The following LCE1E variants were observed in gnomAD, a reference collection of about 807,000 sequenced individuals.
LCE1E encodes late cornified envelope protein 1E.
For synonymous variants in LCE1E, 61 were observed against 55.0 expected (o/e 1.11, Z -0.48); for missense variants, 144 against 144.3 (o/e 1.00, Z 0.01).
rs769373168 is a variant in LCE1E at position 152,787,542 on chromosome 1, G to C, written c.243G>C (p.Arg81Ser). 3 of 1,611,290 alleles carry C rather than the reference G, an allele frequency of 1.9e-6. No homozygotes were observed. The Admixed American group carries it at 5.0e-5, about 27-fold the overall frequency. The change falls in exon 2 of 2, where the codon AGG (arginine) becomes AGC (serine). Residue 81 changes from arginine to serine, a missense_variant. By Grantham distance (110) the Arg-to-Ser change is moderately radical. Coordinates refer to ENST00000368770, the MANE Select transcript of LCE1E (RefSeq NM_178353.2). ...GTGGCTGCTGCCTGAGCCACCACAGGCACCACAGGTCCCACCGTCACAGAC... is the reference window on the plus strand; with the variant it reads ...GTGGCTGCTGCCTGAGCCACCACAGCCACCACAGGTCCCACCGTCACAGAC... The part of the protein sequence containing the change: ...GGGGCCLSHH[R>S]HHRSHRHRPQ...
At chr1:152,786,578 C>A (rs1409535586) in intron 1 of LCE1E, among the ~76,000 whole-genome samples, 2 of 152,136 alleles carry the variant, frequency 1.3e-5, no homozygotes, top group African/African-American at 4.8e-5. Flanking sequence ...CAACCTTGTC[C>A]CTGTCTGCAA....
Position 152,787,342 on chromosome 1 carries a change from A to G in LCE1E, c.43A>G (p.Lys15Glu), listed in dbSNP as rs780483465. Reference protein sequence around the residue: ...QSQQQCQPPPKCTPKCPPKCP... With the variant: ...QSQQQCQPPPECTPKCPPKCP... ...CCAGCAGCAGTGCCAGCCCCCTCCC[A>G]AGTGCACTCCCAAGTGCCCTCCCAA... Residue 15 changes from lysine (K) to glutamate (E), a missense_variant, in exon 2 of 2, where the codon AAG becomes GAG. Lys to Glu is a moderately conservative substitution (Grantham distance 56). Transcript: ENST00000368770. 4 of 1,613,414 alleles carry G rather than the reference A, an allele frequency of 2.5e-6. No individual in the cohort carries two copies. In the African/African-American group the frequency reaches 5.4e-5, roughly 22 times the overall value.
intron 1 of LCE1E, 105 bp from the exon 2 acceptor site, chr1:152,787,173 A>G (rs1651870784): frequency 9.3e-7 from 1 of 1,079,478 alleles, no homozygotes; most frequent in Non-Finnish European, 1.4e-6. Context: ...TTGGAAGTGA[A>G]ACTACTGGAC....
Position 152,787,896 on chromosome 1 carries a change from G to A in LCE1E, c.*240G>A. ...TGTATTCTGTGCTGCCTGAACTGAAGAAATAAAATCCAGAATCTGCCCCCC... is the reference window on the plus strand; with the variant it reads ...TGTATTCTGTGCTGCCTGAACTGAAAAAATAAAATCCAGAATCTGCCCCCC... On this transcript the variant is annotated 3_prime_UTR_variant, in exon 2 of 2. Coordinates refer to ENST00000368770, the MANE Select transcript of LCE1E (RefSeq NM_178353.2). 1.9e-6 allele frequency: 1 copy of A among 515,504 alleles called. No individual in the cohort carries two copies. Among genetic ancestry groups the A allele is most frequent in the Non-Finnish European group, 3.5e-6 (1 of 289,690 alleles). The allele number at this position is 515,504 out of a possible 1,614,324, so 31.9% of individuals were successfully genotyped here. A position where few individuals can be genotyped will look rare whatever the true frequency, so the allele number is the denominator to read the frequency against.
Position 152,787,361 on chromosome 1 carries a change from C to T in LCE1E, c.62C>T (p.Pro21Leu), listed in dbSNP as rs754313081. Reference protein sequence around the residue: ...QPPPKCTPKCPPKCPTPKCPP... With the variant: ...QPPPKCTPKCLPKCPTPKCPP... ...CCTCCCAAGTGCACTCCCAAGTGCC[C>T]TCCCAAGTGTCCCACCCCCAAATGC... Residue 21 changes from proline to leucine, a missense_variant, in exon 2 of 2, where the codon CCT (proline) becomes CTT (leucine). By Grantham distance (98) the Pro-to-Leu change is moderately conservative. Coordinates refer to ENST00000368770, the MANE Select transcript of LCE1E (RefSeq NM_178353.2). The T allele has an allele frequency of 3.1e-6, 5 of 1,614,146 alleles. No homozygotes were observed. In the South Asian group the frequency reaches 5.5e-5, roughly 18 times the overall value.
chr1:152,787,499 G>T lies in LCE1E; in HGVS notation c.200G>T (p.Cys67Phe). 6.2e-7 allele frequency: 1 copy of T among 1,613,826 alleles called. No individual in the cohort carries two copies. Among genetic ancestry groups the T allele is most frequent in the Non-Finnish European group, 8.5e-7 (1 of 1,179,910 alleles). ...AGCTGTGGCTCCAGCTCTGGGGGCT[G>T]CTGCAGCTCTGGGGGAGGTGGCTGC... ...GGSCGSSSGG[C>F]CSSGGGGCCL... is the part of the protein sequence containing the mutation. The change falls in exon 2 of 2, where the codon TGC (cysteine) becomes TTC (phenylalanine). Residue 67 changes from cysteine to phenylalanine, a missense_variant. By Grantham distance (205) the Cys-to-Phe change is radical (BLOSUM62 -2). Transcript: ENST00000368770.
Position 152,788,230 on chromosome 1 carries a change from T to A in LCE1E, c.*574T>A, listed in dbSNP as rs1223353638. On this transcript the variant is annotated 3_prime_UTR_variant, in exon 2 of 2. Coordinates refer to ENST00000368770, the MANE Select transcript of LCE1E (RefSeq NM_178353.2). ...CCTTCCCACTATCACCTCTTCATTC[T>A]TGTGTTCCTCGTTCCCCACTCCTTC... 4.7e-5 allele frequency: 7 copies of A among 150,410 alleles called. 2 individuals are homozygous for A. The highest frequency in any genetic ancestry group is 1.2e-4 in the Non-Finnish European group (7 of 59,856). The allele number at this position is 150,410 out of a possible 1,614,324, so 9.3% of individuals were successfully genotyped here. A position where few individuals can be genotyped will look rare whatever the true frequency, so the allele number is the denominator to read the frequency against.
intron 1 of LCE1E, 78 bp from the exon 2 acceptor site, chr1:152,787,200 T>C: frequency 3.1e-6 from 4 of 1,298,200 alleles, no homozygotes; most frequent in Non-Finnish European, 4.4e-6. Flanking sequence ...TTTCCATAAT[T>C]ACAAGTCATG....
At position 152,787,429 on chromosome 1, in the gene LCE1E, T is replaced by C; in HGVS notation, c.130T>C (p.Cys44Arg). 6.2e-7 allele frequency: 1 copy of C among 1,614,048 alleles called. No homozygotes were observed. The highest frequency in any genetic ancestry group is 1.3e-5 in the African/African-American group (1 of 74,992). ...PPKCPPVSSCCSVSSGGCCGS... is the reference protein window; with the variant it reads ...PPKCPPVSSCRSVSSGGCCGS... ...TAAGTGCCCTCCAGTCTCTTCCTGC[T>C]GCAGTGTCAGCTCCGGAGGCTGCTG... Residue 44 changes from cysteine (C) to arginine (R), a missense_variant, in exon 2 of 2, where the codon TGC (cysteine) becomes CGC (arginine). Coordinates refer to ENST00000368770, the MANE Select transcript of LCE1E (RefSeq NM_178353.2).
Position 152,787,801 on chromosome 1 carries a change from T to C in LCE1E, c.*145T>C, listed in dbSNP as rs1275725145. On this transcript the variant is annotated 3_prime_UTR_variant, in exon 2 of 2. Transcript: ENST00000368770. ...TCTCCTTAATGGCATTTAGAGACTT[T>C]CTTCTGCAGATCCATGGCTGCCCTG... 7 of 985,350 alleles carry C rather than the reference T, an allele frequency of 7.1e-6. No individual in the cohort carries two copies. Among genetic ancestry groups the C allele is most frequent in the African/African-American group, 3.4e-5 (2 of 59,062 alleles). The allele number at this position is 985,350 out of a possible 1,614,324, so 61.0% of individuals were successfully genotyped here. A position where few individuals can be genotyped will look rare whatever the true frequency, so the allele number is the denominator to read the frequency against.
chr1:152,786,471 G>A (rs1305888687), intron 1 of LCE1E, 164 bp downstream of exon 1: 1 of 152,356 alleles, frequency 6.6e-6, no homozygotes, highest in East Asian at 1.9e-4. Context: ...AAAAACTGCT[G>A]TAGGGTGGAG....
rs201660535 is a variant in LCE1E, at chr1:152,787,599, A to G, written c.300A>G (p.Ser100=). ...PQSSDCCSQP[S]GGSSCCGGGS... ...GCTCTGACTGCTGCAGCCAGCCCTC[A>G]GGGGGCTCCAGCTGCTGTGGAGGGG... is the stretch of plus-strand genomic sequence containing the variant. The change falls in exon 2 of 2, where the codon TCA becomes TCG. Residue 100 remains serine (S), a synonymous_variant. Coordinates refer to ENST00000368770, the MANE Select transcript of LCE1E (RefSeq NM_178353.2). The G allele has an allele frequency of 0.17, 260,424 of 1,553,934 alleles. 28,972 individuals are homozygous for G. Among genetic ancestry groups the G allele is most frequent in the African/African-American group, 0.37 (26,555 of 72,392 alleles).
At chr1:152,786,912 C>T (rs1651862830) in intron 1 of LCE1E, among the ~76,000 whole-genome samples, 1 of 152,136 alleles carries the variant, frequency 6.6e-6, no homozygotes, top group Non-Finnish European at 1.5e-5. Flanking sequence ...GTAAAACTAC[C>T]TTGCAAGTTA....
chr1:152,787,478 G>C lies in LCE1E; in HGVS notation c.179G>C (p.Cys60Ser). 1 of 1,613,864 alleles carries C rather than the reference G, an allele frequency of 6.2e-7. No individual in the cohort carries two copies. Among genetic ancestry groups the C allele is most frequent in the Non-Finnish European group, 8.5e-7 (1 of 1,179,852 alleles). The change falls in exon 2 of 2, where the codon TGT becomes TCT. Residue 60 changes from cysteine to serine, a missense_variant. By Grantham distance (112) the Cys-to-Ser change is moderately radical (BLOSUM62 -1). Transcript: ENST00000368770. Reference protein sequence around the residue: ...GCCGSSSGGSCGSSSGGCCSS... With the variant: ...GCCGSSSGGSSGSSSGGCCSS... ...TGTGGCTCCAGCTCTGGGGGCAGCTGTGGCTCCAGCTCTGGGGGCTGCTGC... is the reference window on the plus strand; with the variant it reads ...TGTGGCTCCAGCTCTGGGGGCAGCTCTGGCTCCAGCTCTGGGGGCTGCTGC...
Position 152,787,338 on chromosome 1 carries a change from T to A in LCE1E, c.39T>A (p.Pro13=), listed in dbSNP as rs1422893430. The part of the protein sequence containing the change: ...CQQSQQQCQP[P]PKCTPKCPPK... ...AGAGCCAGCAGCAGTGCCAGCCCCC[T>A]CCCAAGTGCACTCCCAAGTGCCCTC... is the stretch of plus-strand genomic sequence containing the variant. The change falls in exon 2 of 2, where the codon CCT becomes CCA. Residue 13 remains proline, a synonymous_variant. Coordinates refer to ENST00000368770, the MANE Select transcript of LCE1E (RefSeq NM_178353.2). The A allele has an allele frequency of 1.2e-6, 2 of 1,613,716 alleles. No homozygotes were observed. Among genetic ancestry groups the A allele is most frequent in the Non-Finnish European group, 8.5e-7 (1 of 1,179,914 alleles).
rs200257409 is a variant in LCE1E, at chr1:152,787,487, G to A, written c.188G>A (p.Ser63Asn). Residue 63 changes from serine (S) to asparagine (N), a missense_variant, in exon 2 of 2, where the codon AGC (serine) becomes AAC (asparagine). Physicochemically the swap from Ser to Asn is conservative, Grantham distance 46. Coordinates refer to ENST00000368770, the MANE Select transcript of LCE1E (RefSeq NM_178353.2). The stretch of plus-strand genomic sequence containing the variant: ...AGCTCTGGGGGCAGCTGTGGCTCCA[G>A]CTCTGGGGGCTGCTGCAGCTCTGGG... Reference protein sequence around the residue: ...GSSSGGSCGSSSGGCCSSGGG... With the variant: ...GSSSGGSCGSNSGGCCSSGGG... 1.9e-3 allele frequency: 3,122 copies of A among 1,612,516 alleles called. 10 individuals carry two copies. The highest frequency in any genetic ancestry group is 6.1e-3 in the South Asian group (554 of 90,970).
Position 152,787,278 on chromosome 1 carries a change from C to T in LCE1E, c.-22C>T, listed in dbSNP as rs368823755. On this transcript the variant is annotated splice_region_variant and 5_prime_UTR_variant, in exon 2 of 2. Transcript: ENST00000368770. ...GATTTTCTGTCTGACTCTCCCTCAGCTCCTAAGTACCTACTGCCGAGATGT... is the reference window on the plus strand; with the variant it reads ...GATTTTCTGTCTGACTCTCCCTCAGTTCCTAAGTACCTACTGCCGAGATGT... 3.7e-6 allele frequency: 6 copies of T among 1,613,196 alleles called. No individual in the cohort carries two copies. Among genetic ancestry groups the T allele is most frequent in the Non-Finnish European group, 5.1e-6 (6 of 1,179,370 alleles).
In LCE1E at chr1:152,787,618, G is replaced by A. The variant is rs1215822003; in HGVS notation, c.319G>A (p.Gly107Arg). The stretch of plus-strand genomic sequence containing the variant: ...GCCCTCAGGGGGCTCCAGCTGCTGT[G>A]GAGGGGGCAGCGGCCAGCACTCTGG... ...SQPSGGSSCC[G>R]GGSGQHSGGC... is the part of the protein sequence containing the mutation. The change falls in exon 2 of 2, where the codon GGA becomes AGA. Residue 107 changes from glycine (G) to arginine (R), a missense_variant. Gly to Arg is a moderately radical substitution (Grantham distance 125). Coordinates refer to ENST00000368770, the MANE Select transcript of LCE1E (RefSeq NM_178353.2). The A allele has an allele frequency of 2.5e-6, 4 of 1,600,098 alleles. No individual in the cohort carries two copies. In the African/African-American group the frequency reaches 5.4e-5, roughly 22 times the overall value.
intron 1 of LCE1E, among the ~76,000 whole-genome samples, chr1:152,786,929 G>A (rs1353443417): frequency 1.3e-5 from 2 of 152,170 alleles, no homozygotes; most frequent in African/African-American, 4.8e-5. Flanking sequence ...GTTACAAAAG[G>A]TAGTGATTAC....
Sources: gnomAD v4.1 joint callset for allele counts (sites outside exome capture counted in the v4.1 genomes callset) on GRCh38, gnomAD v4.1.1 for gene constraint, MANE v1.5 for transcripts, NCBI Gene and HGNC (gene_info 2026-07-23, HGNC 2026-07-21) for gene names.